Variants in MYLK4 observed in about 807,000 individuals in gnomAD.
The protein encoded by MYLK4 is myosin light chain kinase family member 4, also known as caMLCK like.
Under a neutral mutation model 48.1 loss-of-function variants are expected in MYLK4, and 46 were observed. The ratio of observed to expected loss-of-function variants is 0.96; its 90% confidence interval spans 0.75 to 1.22. MYLK4 has a LOEUF of 1.22. Ranked by LOEUF, MYLK4 falls within the 50% of genes most tolerant of loss-of-function variation. MYLK4 has a pLI of 0.00. For synonymous variants in MYLK4, 170 were observed against 180.8 expected (o/e 0.94, Z 0.48); for missense variants, 451 against 486.1 (o/e 0.93, Z 0.68).
At chr6:2,718,179 C>CAAAAAAAAAAAAA (rs10590230) in intron 2 of MYLK4, among the ~76,000 whole-genome samples, 6 of 133,304 alleles carry the variant, frequency 4.5e-5, no homozygotes, top group African/African-American at 1.7e-4. Context: ...AACTCTGTCT[C>CAAAAAAAAAAAAA]AAAAAAAAAA....
At chr6:2,731,055 A>G (rs1222152378) in intron 2 of MYLK4, among the ~76,000 whole-genome samples, 1 of 152,204 alleles carries the variant, frequency 6.6e-6, no homozygotes, top group Non-Finnish European at 1.5e-5. Flanking sequence ...GCCTTTTTAA[A>G]AAAAAGATTT....
At chr6:2,724,768 G>A (rs892451822) in intron 2 of MYLK4, among the ~76,000 whole-genome samples, 4 of 152,116 alleles carry the variant, frequency 2.6e-5, no homozygotes, top group African/African-American at 7.2e-5. Context: ...GAAAATTAGC[G>A]AATGTCTTGA....
chr6:2,754,490 T>C (rs1017086111), upstream of MYLK4, among the ~76,000 whole-genome samples: 21 of 151,882 alleles, frequency 1.4e-4, no homozygotes, highest in African/African-American at 4.8e-4. Context: ...TCTATAGACG[T>C]AGAAAGCAGA....
chr6:2,745,197 A>G (rs1764039405), intron 2 of MYLK4, among the ~76,000 whole-genome samples: 1 of 152,176 alleles, frequency 6.6e-6, no homozygotes, highest in Non-Finnish European at 1.5e-5. Flanking sequence ...TCATTAAGCA[A>G]AGGGGTGTGG....
the MYLK4 span, among the ~76,000 whole-genome samples, chr6:2,766,748 C>T: frequency 6.6e-6 from 1 of 152,176 alleles, no homozygotes; most frequent in African/African-American, 2.4e-5. Context: ...TATCTTCCAT[C>T]GGTCTCCCCG....
chr6:2,680,427 G>T, intron 7 of MYLK4, 136 bp from the exon 8 acceptor site: 1 of 1,520,634 alleles, frequency 6.6e-7, no homozygotes, highest in East Asian at 2.3e-5. Context: ...GCTTGTCCGT[G>T]TGGGTACTTT....
chr6:2,740,063 A>G (rs886964318), intron 2 of MYLK4, among the ~76,000 whole-genome samples: 2 of 152,230 alleles, frequency 1.3e-5, no homozygotes, highest in African/African-American at 2.4e-5. Flanking sequence ...ACAATCCTTC[A>G]TGGTGGCATA....
At chr6:2,678,179 C>T (rs1202481320) in intron 10 of MYLK4, 41 bp downstream of exon 10, 2 of 1,599,834 alleles carry the variant, frequency 1.3e-6, no homozygotes, top group Admixed American at 3.4e-5. Context: ...GCTTCCTTAT[C>T]ATCCCTACTG....
chr6:2,681,105 G>C (rs1462550358), intron 7 of MYLK4, among the ~76,000 whole-genome samples: 1 of 152,060 alleles, frequency 6.6e-6, no homozygotes, highest in Non-Finnish European at 1.5e-5. Context: ...ATTTATAAAA[G>C]AGAAAAAAAG....
upstream of MYLK4, among the ~76,000 whole-genome samples, chr6:2,752,105 G>A (rs1031109144): frequency 1.3e-5 from 2 of 152,158 alleles, no homozygotes; most frequent in East Asian, 1.9e-4. Context: ...CCACCACCAC[G>A]CAAAAGCAGA....
At chr6:2,711,636 GACCA>G (rs1762676853) in intron 2 of MYLK4, among the ~76,000 whole-genome samples, 1 of 152,170 alleles carries the variant, frequency 6.6e-6, no homozygotes, top group Non-Finnish European at 1.5e-5. Context: ...TCTATGGAAG[GACCA>G]CGACCTCACA....
chr6:2,730,982 T>G (rs1763458639), intron 2 of MYLK4, among the ~76,000 whole-genome samples: 1 of 152,140 alleles, frequency 6.6e-6, no homozygotes, highest in African/African-American at 2.4e-5. Context: ...GTTAGCATCC[T>G]GCATTAAAAT....
chr6:2,668,346 G>A (rs989384969), intron 12 of MYLK4, among the ~76,000 whole-genome samples: 6 of 152,136 alleles, frequency 3.9e-5, no homozygotes, highest in Non-Finnish European at 8.8e-5. Flanking sequence ...CGTCTGACCT[G>A]GGGCCCGCAC....
intron 12 of MYLK4, among the ~76,000 whole-genome samples, chr6:2,668,970 A>C (rs75833800): frequency 6.6e-6 from 1 of 152,046 alleles, no homozygotes; most frequent in Non-Finnish European, 1.5e-5. Context: ...CAGGAGGCTG[A>C]GGTAGGAGGA....
chr6:2,727,293 A>T (rs572403323), intron 2 of MYLK4, among the ~76,000 whole-genome samples: 40 of 152,344 alleles, frequency 2.6e-4, no homozygotes, highest in African/African-American at 9.4e-4. Flanking sequence ...GATTCTGCCC[A>T]CAAGGAAAGA....
the MYLK4 span, among the ~76,000 whole-genome samples, chr6:2,758,335 C>T: frequency 1.6e-3 from 237 of 147,696 alleles, no homozygotes; most frequent in South Asian, 6.9e-3. Context: ...TTTATCAGGA[C>T]ATATATATTA....
At chr6:2,764,321 A>C in the MYLK4 span, among the ~76,000 whole-genome samples, 1 of 152,094 alleles carries the variant, frequency 6.6e-6, no homozygotes, top group Non-Finnish European at 1.5e-5. Context: ...CCAAAGGCTA[A>C]GGCGGAAGGG....
intron 2 of MYLK4, among the ~76,000 whole-genome samples, chr6:2,718,489 C>T (rs1437353204): frequency 6.6e-6 from 1 of 152,182 alleles, no homozygotes; most frequent in Non-Finnish European, 1.5e-5. Context: ...TCAAGGAAAA[C>T]TCTTTGCCCT....
At chr6:2,691,031 C>T (rs1259684494) in intron 3 of MYLK4, among the ~76,000 whole-genome samples, 8 of 151,952 alleles carry the variant, frequency 5.3e-5, no homozygotes, top group African/African-American at 1.7e-4. Context: ...GGGGTTTCAC[C>T]GTGTTAGCCA....
Sources: allele counts gnomAD v4.1 joint callset (sites outside exome capture counted in the v4.1 genomes callset), GRCh38; gene constraint gnomAD v4.1.1; transcripts MANE v1.5; gene names NCBI Gene and HGNC (gene_info 2026-07-23, HGNC 2026-07-21).